KRR1: variants seen among roughly 807,000 people sequenced by gnomAD.
KRR1 encodes the protein KRR1 small subunit processome component homolog.
In KRR1, 23 loss-of-function variants were observed where a neutral mutation model predicts 50.0. The observed-to-expected ratio is 0.46, with a 90% CI of 0.33 to 0.65. The LOEUF (loss-of-function observed/expected upper bound fraction) is 0.65, where lower values mean the gene tolerates loss of function less well. KRR1 is among the 30% of genes least tolerant of loss of function. KRR1 has a pLI of 0.02. For synonymous variants in KRR1, 133 were observed against 146.3 expected (o/e 0.91, Z 0.66); for missense variants, 419 against 442.4 (o/e 0.95, Z 0.47).
At chr12:75,511,489 G>A in intron 1 of KRR1, 24 bp downstream of exon 1, 1 of 1,603,060 alleles carries the variant, frequency 6.2e-7, no homozygotes, top group African/African-American at 1.3e-5. Context: ...CAAACCCCAG[G>A]CTTCGGTTCC....
Position 75,498,833 on chromosome 12 carries a change from CTG to C in KRR1, c.*974_*975del, listed in dbSNP as rs1566101513. On this transcript the variant is annotated 3_prime_UTR_variant, in exon 10 of 10. Transcript: ENST00000229214. ...TATGTTTGTTTCACAGGTTACTACT[CTG>C]TTGTATATCCAGGCTGGCCCATATA... 5 of 1,612,538 alleles carry C rather than the reference CTG, an allele frequency of 3.1e-6. No individual in the cohort carries two copies. Among genetic ancestry groups the C allele is most frequent in the Non-Finnish European group, 2.5e-6 (3 of 1,178,888 alleles).
In KRR1 at chr12:75,491,178, T is replaced by C. The variant is rs1376996706; in HGVS notation, c.*8631A>G. On this transcript the variant is annotated 3_prime_UTR_variant, in exon 10 of 10. Coordinates refer to ENST00000229214, the MANE Select transcript of KRR1 (RefSeq NM_007043.7). Reference sequence around the variant, plus strand: ...TGATTTTAATCATAAAAATGATAGATTGTTTATATAATGCTTACAATGCTC... The same window carrying C: ...TGATTTTAATCATAAAAATGATAGACTGTTTATATAATGCTTACAATGCTC... 1 of 70,762 alleles carries C rather than the reference T, an allele frequency of 1.4e-5. No homozygotes were observed. Among genetic ancestry groups the C allele is most frequent in the Non-Finnish European group, 4.0e-5 (1 of 25,176 alleles). The allele number at this position is 70,762 out of a possible 1,614,324, so 4.4% of individuals were successfully genotyped here.
chr12:75,495,530 TA>T lies in KRR1; in HGVS notation c.*4278del. On this transcript the variant is annotated 3_prime_UTR_variant, in exon 10 of 10. Coordinates refer to ENST00000229214, the MANE Select transcript of KRR1 (RefSeq NM_007043.7). ...AAGGATTCATAGTAAATTGCAATTTTAAAAAACCGAAAAACTTCTAATGGAC... is the reference window on the plus strand; with the variant it reads ...AAGGATTCATAGTAAATTGCAATTTTAAAAACCGAAAAACTTCTAATGGAC... 1 of 1,114,476 alleles carries T rather than the reference TA, an allele frequency of 9.0e-7. No homozygotes were observed. The highest frequency in any genetic ancestry group is 1.4e-6 in the Non-Finnish European group (1 of 731,174). 69.0% of individuals were successfully genotyped at this position (1,114,476 alleles called of 1,614,324 possible).
At position 75,492,892 on chromosome 12, in the gene KRR1, C is replaced by A. The variant is rs948858520; in HGVS notation, c.*6917G>T. ...TAAATAATACTGTAATAGAAACTAT[C>A]AATAGGCAAGGCCCCTGTTTAGAAT... On this transcript the variant is annotated 3_prime_UTR_variant, in exon 10 of 10. Transcript: ENST00000229214. The A allele has an allele frequency of 2.6e-5, 4 of 152,104 alleles. No individual in the cohort carries two copies. Among genetic ancestry groups the A allele is most frequent in the African/African-American group, 9.7e-5 (4 of 41,416 alleles). The allele number at this position is 152,104 out of a possible 1,614,324, so 9.4% of individuals were successfully genotyped here. A position where few individuals can be genotyped will look rare whatever the true frequency, so the allele number is the denominator to read the frequency against.
Position 75,499,255 on chromosome 12 carries a change from A to G in KRR1, c.*554T>C, listed in dbSNP as rs749056490. 4 of 247,150 alleles carry G rather than the reference A, an allele frequency of 1.6e-5. No homozygotes were observed. The highest frequency in any genetic ancestry group is 2.3e-5 in the Non-Finnish European group (3 of 130,912). The allele number at this position is 247,150 out of a possible 1,614,324, so 15.3% of individuals were successfully genotyped here. A position where few individuals can be genotyped will look rare whatever the true frequency, so the allele number is the denominator to read the frequency against. ...TAAATCTGCAAAATGAGCAAGGTAC[A>G]GTAGCACATTTTTAGGTGATTCTTA... On this transcript the variant is annotated 3_prime_UTR_variant, in exon 10 of 10. Transcript: ENST00000229214.
Position 75,498,752 on chromosome 12 carries a change from A to C in KRR1, c.*1057T>G. The C allele has an allele frequency of 6.2e-7, 1 of 1,610,176 alleles. No homozygotes were observed. Among genetic ancestry groups the C allele is most frequent in the Non-Finnish European group, 8.5e-7 (1 of 1,176,602 alleles). The stretch of plus-strand genomic sequence containing the variant: ...ACATCAATCTTAAATTGTTTCATTA[A>C]GAGCTATGTGAATTCTGTCAGTGCA... On this transcript the variant is annotated 3_prime_UTR_variant, in exon 10 of 10. Coordinates refer to ENST00000229214, the MANE Select transcript of KRR1 (RefSeq NM_007043.7).
At position 75,498,526 on chromosome 12, in the gene KRR1, GTTAATTC is replaced by G; in HGVS notation, c.*1276_*1282del. 1.8e-6 allele frequency: 1 copy of G among 563,152 alleles called. No individual in the cohort carries two copies. The highest frequency in any genetic ancestry group is 1.9e-5 in the African/African-American group (1 of 52,740). 34.9% of individuals were successfully genotyped at this position (563,152 alleles called of 1,614,324 possible). ...TAAAAAGTCAACTTAAAAATACCAA[GTTAATTC>G]AGTCAGTTCAAAAAGTTTTGAATAA... On this transcript the variant is annotated 3_prime_UTR_variant, in exon 10 of 10. Coordinates refer to ENST00000229214, the MANE Select transcript of KRR1 (RefSeq NM_007043.7).
chr12:75,501,701 T>C (rs2046395221), intron 9 of KRR1, 22 bp downstream of exon 9: 1 of 1,493,020 alleles, frequency 6.7e-7, no homozygotes, highest in Non-Finnish European at 9.3e-7. Flanking sequence ...AATAAAGACT[T>C]TTACATCATA....
In KRR1 at chr12:75,504,019, C is replaced by T; in HGVS notation, c.716G>A (p.Trp239Ter). Residue 239 changes from tryptophan to a stop codon, truncating the protein, a stop_gained, in exon 7 of 10, where the codon TGG becomes TAG. Coordinates refer to ENST00000229214, the MANE Select transcript of KRR1 (RefSeq NM_007043.7). LOFTEE classifies it high-confidence loss of function. ...TTTGAACTGTGGCAAAAATCTCTCCCAACTTTGTGATCGTAATTCAGAATC... is the reference window on the plus strand; with the variant it reads ...TTTGAACTGTGGCAAAAATCTCTCCTAACTTTGTGATCGTAATTCAGAATC... ...AKDSELRSQS[W>*]ERFLPQFKHK... 3 of 1,612,370 alleles carry T rather than the reference C, an allele frequency of 1.9e-6. No homozygotes were observed. Among genetic ancestry groups the T allele is most frequent in the Non-Finnish European group, 2.5e-6 (3 of 1,178,892 alleles).
At position 75,497,808 on chromosome 12, in the gene KRR1, A is replaced by G. The variant is rs1206419658; in HGVS notation, c.*2001T>C. The stretch of plus-strand genomic sequence containing the variant: ...GACTGTTTTACAAAATGTGCTGGGC[A>G]TATTAGTGGTACATAAGATGATTTT... On this transcript the variant is annotated 3_prime_UTR_variant, in exon 10 of 10. Coordinates refer to ENST00000229214, the MANE Select transcript of KRR1 (RefSeq NM_007043.7). 1 of 152,230 alleles carries G rather than the reference A, an allele frequency of 6.6e-6. No homozygotes were observed. Among genetic ancestry groups the G allele is most frequent in the Admixed American group, 6.5e-5 (1 of 15,278 alleles). The allele number at this position is 152,230 out of a possible 1,614,324, so 9.4% of individuals were successfully genotyped here.
chr12:75,499,651 A>G lies in KRR1; in HGVS notation c.*158T>C. 1 of 393,990 alleles carries G rather than the reference A, an allele frequency of 2.5e-6. No individual in the cohort carries two copies. Among genetic ancestry groups the G allele is most frequent in the Non-Finnish European group, 4.4e-6 (1 of 228,938 alleles). 24.4% of individuals were successfully genotyped at this position (393,990 alleles called of 1,614,324 possible). On this transcript the variant is annotated 3_prime_UTR_variant, in exon 10 of 10. Coordinates refer to ENST00000229214, the MANE Select transcript of KRR1 (RefSeq NM_007043.7). ...TATAAATTTTTCAAAAAATACAATAATAATATAATTTATAAAGAACACTCT... is the reference window on the plus strand; with the variant it reads ...TATAAATTTTTCAAAAAATACAATAGTAATATAATTTATAAAGAACACTCT...
rs2046341730 is a variant in KRR1 at position 75,494,931 on chromosome 12, C to G, written c.*4878G>C. On this transcript the variant is annotated 3_prime_UTR_variant, in exon 10 of 10. Transcript: ENST00000229214. ...CATAGGGTTTTTGTGAAGATTATTT[C>G]ATTCAAGGTTGTTTAGAACAAAGAC... 6.6e-6 allele frequency: 1 copy of G among 152,210 alleles called. No homozygotes were observed. The highest frequency in any genetic ancestry group is 6.5e-5 in the Admixed American group (1 of 15,284). 9.4% of individuals were successfully genotyped at this position (152,210 alleles called of 1,614,324 possible).
rs562993775 is a variant in KRR1 at position 75,495,477 on chromosome 12, TCACTC to T, written c.*4327_*4331del. ...TACCAACTCTCTGGACCTTTGTACT[TCACTC>T]CACTATTCTTCTGGATTTAGTTAAG... On this transcript the variant is annotated 3_prime_UTR_variant, in exon 10 of 10. Coordinates refer to ENST00000229214, the MANE Select transcript of KRR1 (RefSeq NM_007043.7). 3.2e-4 allele frequency: 211 copies of T among 668,816 alleles called. 1 individual carries two copies. Among genetic ancestry groups the T allele is most frequent in the South Asian group, 3.0e-3 (174 of 58,392 alleles). The allele number at this position is 668,816 out of a possible 1,614,324, so 41.4% of individuals were successfully genotyped here.
chr12:75,499,601 C>CAA lies in KRR1; in HGVS notation c.*206_*207dup, dbSNP rs71684960. 3.2e-6 allele frequency: 1 copy of CAA among 313,224 alleles called. No individual in the cohort carries two copies. Among genetic ancestry groups the CAA allele is most frequent in the Non-Finnish European group, 5.7e-6 (1 of 176,574 alleles). 19.4% of individuals were successfully genotyped at this position (313,224 alleles called of 1,614,324 possible). On this transcript the variant is annotated 3_prime_UTR_variant, in exon 10 of 10. Coordinates refer to ENST00000229214, the MANE Select transcript of KRR1 (RefSeq NM_007043.7). ...ATAATCACAATGGTCGTAATGTATACAAAGACTTATATACCACTTTCTCGT... is the reference window on the plus strand; with the variant it reads ...ATAATCACAATGGTCGTAATGTATACAAAAAGACTTATATACCACTTTCTCGT...
At chr12:75,505,059 AC>A in intron 6 of KRR1, 138 bp downstream of exon 6, 1 of 813,280 alleles carries the variant, frequency 1.2e-6, no homozygotes, top group Non-Finnish European at 1.9e-6. Context: ...GCTGAAGTCT[AC>A]CCCTAATTTA....
chr12:75,508,208 C>A, intron 2 of KRR1, 66 bp downstream of exon 2: 124 of 984,084 alleles, frequency 1.3e-4, no homozygotes, highest in Non-Finnish European at 1.6e-4. Flanking sequence ...CATTAGCATA[C>A]ATACATTTAA....
rs1343909485 is a variant in KRR1, at chr12:75,499,130, T to TAACTC, written c.*674_*678dup. ...CTCTTACTCAAAAGAAGAAATTTCC[T>TAACTC]AACTCTATCAGATAAACTCATCTTT... is the stretch of plus-strand genomic sequence containing the variant. On this transcript the variant is annotated 3_prime_UTR_variant, in exon 10 of 10. Transcript: ENST00000229214. 3.9e-5 allele frequency: 19 copies of TAACTC among 489,550 alleles called. No homozygotes were observed. The highest frequency in any genetic ancestry group is 6.0e-5 in the Non-Finnish European group (17 of 284,162). 30.3% of individuals were successfully genotyped at this position (489,550 alleles called of 1,614,324 possible). A position where few individuals can be genotyped will look rare whatever the true frequency, so the allele number is the denominator to read the frequency against.
In KRR1 at chr12:75,495,482, C is replaced by G. The variant is rs1458318384; in HGVS notation, c.*4327G>C. 44 of 687,412 alleles carry G rather than the reference C, an allele frequency of 6.4e-5. 1 individual carries two copies. Among genetic ancestry groups the G allele is most frequent in the Non-Finnish European group, 1.1e-4 (41 of 373,998 alleles). 42.6% of individuals were successfully genotyped at this position (687,412 alleles called of 1,614,324 possible). A position where few individuals can be genotyped will look rare whatever the true frequency, so the allele number is the denominator to read the frequency against. The stretch of plus-strand genomic sequence containing the variant: ...ACTCTCTGGACCTTTGTACTTCACT[C>G]CACTATTCTTCTGGATTTAGTTAAG... On this transcript the variant is annotated 3_prime_UTR_variant, in exon 10 of 10. Transcript: ENST00000229214.
chr12:75,500,616 GTGTGTGGAAGTCCCCC>G (rs1257254297), intron 9 of KRR1: 1 of 151,916 alleles, frequency 6.6e-6, no homozygotes, highest in Non-Finnish European at 1.5e-5. Flanking sequence ...TAATTTGAGA[GTGTGTGGAAGTCCCCC>G]TAATAGAAGC....
Sources: allele counts gnomAD v4.1 joint callset, GRCh38; gene constraint gnomAD v4.1.1; transcripts MANE v1.5; gene names NCBI Gene and HGNC (gene_info 2026-07-23, HGNC 2026-07-21).